Variants in CNTNAP2 observed in about 807,000 individuals in gnomAD.
CNTNAP2 encodes the protein contactin-associated protein-like 2.
In CNTNAP2, 98 loss-of-function variants were observed where a neutral mutation model predicts 155.2. That is an observed-to-expected ratio of 0.63 (90% CI 0.54 to 0.75). CNTNAP2 has a LOEUF of 0.75. CNTNAP2 is among the 30% of genes least tolerant of loss of function. The probability of loss-of-function intolerance (pLI) is 0.00; values close to 1 mark genes in which losing one functional copy is unlikely to be tolerated. For missense variants in CNTNAP2, 1,727 were observed against 1,688.1 expected (o/e 1.02, Z -0.40); for synonymous variants, 651 against 631.2 (o/e 1.03, Z -0.47).
chr7:146,119,642 G>A (rs188123231), intron 1 of CNTNAP2, among the ~76,000 whole-genome samples: 10 of 152,188 alleles, frequency 6.6e-5, no homozygotes, highest in Admixed American at 6.5e-4. Context: ...CCTTGATGGT[G>A]CAGTTCTAAA....
chr7:147,303,454 C>T (rs1794978177), intron 9 of CNTNAP2, among the ~76,000 whole-genome samples: 1 of 152,220 alleles, frequency 6.6e-6, no homozygotes, highest in Non-Finnish European at 1.5e-5. Flanking sequence ...AGAAGAGGAA[C>T]TGCCTCTGGA....
chr7:147,538,854 A>G (rs1235876162), intron 11 of CNTNAP2, among the ~76,000 whole-genome samples: 2 of 152,106 alleles, frequency 1.3e-5, no homozygotes, highest in Non-Finnish European at 2.9e-5. Flanking sequence ...AAGGGAGAAA[A>G]GCATTAGGAC....
At chr7:146,394,460 TAG>T (rs1795590715) in intron 1 of CNTNAP2, among the ~76,000 whole-genome samples, 1 of 151,704 alleles carries the variant, frequency 6.6e-6, no homozygotes, top group African/African-American at 2.4e-5. Flanking sequence ...TTTATAAATA[TAG>T]AGTCTTTTTT....
intron 8 of CNTNAP2, among the ~76,000 whole-genome samples, chr7:147,249,539 A>G (rs1195450634): frequency 6.7e-6 from 1 of 148,704 alleles, no homozygotes; most frequent in Non-Finnish European, 1.5e-5. Context: ...TTAAAAAGAA[A>G]CCACATTAGG....
chr7:148,064,798 C>T (rs116552833), intron 15 of CNTNAP2, among the ~76,000 whole-genome samples: 3,593 of 151,686 alleles, frequency 0.024, 145 homozygotes, highest in African/African-American at 0.081. Flanking sequence ...TTGAGTTTTA[C>T]TCCGATCTTT....
intron 4 of CNTNAP2, among the ~76,000 whole-genome samples, chr7:147,055,717 C>G (rs1009960549): frequency 6.6e-6 from 1 of 152,124 alleles, no homozygotes; most frequent in Non-Finnish European, 1.5e-5. Flanking sequence ...TGGTCTTCCC[C>G]CTGGTTCCCA....
At chr7:147,161,667 C>T (rs1323615575) in intron 8 of CNTNAP2, 1 of 152,094 alleles carries the variant, frequency 6.6e-6, no homozygotes, top group Non-Finnish European at 1.5e-5. Flanking sequence ...GAAGTATCTG[C>T]TAATCTCTTT....
intron 14 of CNTNAP2, among the ~76,000 whole-genome samples, chr7:147,936,860 T>C (rs1319454601): frequency 6.6e-6 from 1 of 152,158 alleles, no homozygotes; most frequent in Non-Finnish European, 1.5e-5. Flanking sequence ...ATAAATAAAG[T>C]TCTGCAGGTT....
chr7:146,193,419 C>T (rs1798734709), intron 1 of CNTNAP2, among the ~76,000 whole-genome samples: 1 of 152,210 alleles, frequency 6.6e-6, no homozygotes, highest in Non-Finnish European at 1.5e-5. Context: ...GTGGAGGTCC[C>T]CAAACCTCAG....
chr7:148,334,724 T>A (rs1368473072), intron 21 of CNTNAP2, among the ~76,000 whole-genome samples: 1 of 152,148 alleles, frequency 6.6e-6, no homozygotes, highest in East Asian at 1.9e-4. Flanking sequence ...ACTGCCATGA[T>A]ACCCAAGAAG....
intron 13 of CNTNAP2, among the ~76,000 whole-genome samples, chr7:147,803,159 A>G (rs1340581628): frequency 2.0e-5 from 3 of 152,204 alleles, no homozygotes; most frequent in African/African-American, 7.2e-5. Context: ...TTTTACTGAG[A>G]ATTTAAAAAC....
At chr7:148,296,349 A>T (rs1208870456) in intron 21 of CNTNAP2, among the ~76,000 whole-genome samples, 1 of 151,810 alleles carries the variant, frequency 6.6e-6, no homozygotes, top group South Asian at 2.1e-4. Context: ...CAGCCTGGGC[A>T]ACACAGTGAG....
At chr7:147,622,532 C>T (rs764801420) in intron 12 of CNTNAP2, among the ~76,000 whole-genome samples, 1 of 151,858 alleles carries the variant, frequency 6.6e-6, no homozygotes, top group Non-Finnish European at 1.5e-5. Context: ...CCTGAATGAC[C>T]AGTGGGCCAA....
At chr7:147,782,225 G>A (rs1305917413) in intron 13 of CNTNAP2, among the ~76,000 whole-genome samples, 2 of 152,148 alleles carry the variant, frequency 1.3e-5, no homozygotes, top group Admixed American at 6.5e-5. Flanking sequence ...AAAATAGGTT[G>A]AATTCAGTAA....
rs371535712 is a variant in CNTNAP2 at position 147,048,678 on chromosome 7, TG to T, written c.550+4625del. 4.5e-4 allele frequency among the ~76,000 whole-genome samples: 68 copies of T among 152,328 alleles called. No homozygotes were observed. The South Asian group carries it at 0.011, about 25-fold the overall frequency. ...GCATGTGAAATATAGCTAAGACAAC[TG>T]TGGAACCAAATTTTTAATTTAATTT... On this transcript the variant is annotated intron_variant, in intron 4 of 23. Coordinates refer to ENST00000361727, the MANE Select transcript of CNTNAP2 (RefSeq NM_014141.6).
intron 14 of CNTNAP2, among the ~76,000 whole-genome samples, chr7:147,909,939 A>G (rs1315855335): frequency 6.6e-6 from 1 of 152,126 alleles, no homozygotes; most frequent in Admixed American, 6.5e-5. Flanking sequence ...AGAAAGGCCA[A>G]ATACTAGCCG....
chr7:147,169,735 A>C (rs1294600914), intron 8 of CNTNAP2, among the ~76,000 whole-genome samples: 1 of 152,126 alleles, frequency 6.6e-6, no homozygotes. Flanking sequence ...ACCAGGAAGA[A>C]ATTCAAACCC....
chr7:146,971,379 A>T (rs1354992057), intron 3 of CNTNAP2, among the ~76,000 whole-genome samples: 1 of 152,172 alleles, frequency 6.6e-6, no homozygotes, highest in East Asian at 1.9e-4. Context: ...AGGAAAAAAT[A>T]AAAAGGCACT....
chr7:147,226,716 G>T (rs1480603298), intron 8 of CNTNAP2, among the ~76,000 whole-genome samples: 1 of 152,130 alleles, frequency 6.6e-6, no homozygotes, highest in East Asian at 1.9e-4. Flanking sequence ...CTCTTTTGGA[G>T]ATTTTCCCAG....
Sources: allele counts gnomAD v4.1 joint callset (sites outside exome capture counted in the v4.1 genomes callset), GRCh38; gene constraint gnomAD v4.1.1; transcripts MANE v1.5; gene names NCBI Gene and HGNC (gene_info 2026-07-23, HGNC 2026-07-21).